Variants in SLC13A3 observed in about 807,000 individuals in gnomAD.
SLC13A3 encodes the protein solute carrier family 13 member 3, also known as Na(+)/dicarboxylate cotransporter 3.
SLC13A3 carries 40 observed loss-of-function variants against 59.0 expected under a neutral mutation model. The observed-to-expected ratio is 0.68, with a 90% CI of 0.53 to 0.88. The LOEUF (loss-of-function observed/expected upper bound fraction) is 0.88. Ranked by LOEUF, SLC13A3 falls within the 40% of genes least tolerant of loss-of-function variation. The probability of loss-of-function intolerance (pLI) is 0.00; values close to 1 mark genes in which losing one functional copy is unlikely to be tolerated. For missense variants in SLC13A3, 699 were observed against 783.2 expected (o/e 0.89, Z 1.28); for synonymous variants, 317 against 330.3 (o/e 0.96, Z 0.44).
intron 2 of SLC13A3, among the ~76,000 whole-genome samples, chr20:46,612,842 G>GCC (rs2062513235): frequency 1.3e-5 from 2 of 152,092 alleles, no homozygotes; most frequent in Admixed American, 6.5e-5. Context: ...CTTTAGGATT[G>GCC]TAACCCTGCC....
intron 6 of SLC13A3, 88 bp downstream of exon 6, chr20:46,592,316 C>T (rs909500690): frequency 4.1e-6 from 6 of 1,473,398 alleles, no homozygotes; most frequent in African/African-American, 1.4e-5. Flanking sequence ...AAATAACAAT[C>T]ATCCTCAGTT....
intron 6 of SLC13A3, among the ~76,000 whole-genome samples, chr20:46,591,643 G>C (rs1248445503): frequency 6.6e-6 from 1 of 152,140 alleles, no homozygotes; most frequent in Non-Finnish European, 1.5e-5. Flanking sequence ...TAAGTAGACT[G>C]AGTGATGAGA....
intron 5 of SLC13A3, among the ~76,000 whole-genome samples, chr20:46,594,593 T>G (rs1010919865): frequency 2.0e-5 from 3 of 152,202 alleles, no homozygotes; most frequent in African/African-American, 7.2e-5. Context: ...CAGGACCATC[T>G]TTGCTTCTGG....
rs1244890937 is a variant in SLC13A3, at chr20:46,588,076, G to A, written c.1104C>T (p.Ala368=). The change falls in exon 8 of 13, where the codon GCC becomes GCT. Residue 368 remains alanine (A), a synonymous_variant. Transcript: ENST00000279027. The part of the protein sequence containing the change: ...TRDPKFIPGW[A]SLFNPGFLSD... ...AGTCTCACCCAGGATTGAAGAGGCT[G>A]GCCCAGCCAGGGATGAACTTCGGGT... is the stretch of plus-strand genomic sequence containing the variant. 1.2e-6 allele frequency: 2 copies of A among 1,609,102 alleles called. No individual in the cohort carries two copies. Among genetic ancestry groups the A allele is most frequent in the East Asian group, 2.2e-5 (1 of 44,718 alleles).
At position 46,560,087 on chromosome 20, in the gene SLC13A3, T is replaced by G. The variant is rs374164996; in HGVS notation, c.1744A>C (p.Met582Leu). ...QLGTFPDWAD[M>L]YSVNVTALPP... is the part of the protein sequence containing the mutation. ...AATGCTGTGACATTGACCGAGTACA[T>G]ATCAGCCCAGTCCGGGAAGGTGCCC... Residue 582 changes from methionine to leucine, a missense_variant, in exon 13 of 13, where the codon ATG becomes CTG. Physicochemically the swap from Met to Leu is conservative, Grantham distance 15. Transcript: ENST00000279027. 1 of 1,613,994 alleles carries G rather than the reference T, an allele frequency of 6.2e-7. No individual in the cohort carries two copies. Among genetic ancestry groups the G allele is most frequent in the Non-Finnish European group, 8.5e-7 (1 of 1,180,046 alleles).
chr20:46,565,750 T>A (rs1405995863), intron 11 of SLC13A3, among the ~76,000 whole-genome samples: 1 of 152,156 alleles, frequency 6.6e-6, no homozygotes, highest in Non-Finnish European at 1.5e-5. Flanking sequence ...GCGCCACTTG[T>A]CTCTAGTGAG....
chr20:46,563,300 AT>A (rs1018471679), intron 12 of SLC13A3, 113 bp downstream of exon 12: 43 of 1,225,104 alleles, frequency 3.5e-5, no homozygotes, highest in Non-Finnish European at 4.7e-5. Context: ...AGAAAGATCT[AT>A]TCAGAGACTG....
chr20:46,679,264 TAAG>T (rs1421807029), intron 1 of SLC13A3, among the ~76,000 whole-genome samples: 1 of 152,066 alleles, frequency 6.6e-6, no homozygotes, highest in Non-Finnish European at 1.5e-5. Context: ...CCAAAAGGAA[TAAG>T]AAGGGTAGGC....
At chr20:46,569,877 G>A (rs2062014876) in intron 10 of SLC13A3, among the ~76,000 whole-genome samples, 1 of 152,140 alleles carries the variant, frequency 6.6e-6, no homozygotes, top group Non-Finnish European at 1.5e-5. Flanking sequence ...TACAGTAGAG[G>A]AGCATCTTAT....
At chr20:46,570,353 C>T (rs1377699435) in intron 10 of SLC13A3, among the ~76,000 whole-genome samples, 19 of 152,200 alleles carry the variant, frequency 1.2e-4, no homozygotes, top group Non-Finnish European at 1.0e-4. Context: ...ATACAGACTA[C>T]AGATGCTCCT....
intron 1 of SLC13A3, among the ~76,000 whole-genome samples, chr20:46,630,174 C>T (rs1372274772): frequency 6.6e-6 from 1 of 152,214 alleles, no homozygotes; most frequent in African/African-American, 2.4e-5. Context: ...GGTCACAGTT[C>T]TTTGGTGTCT....
intron 8 of SLC13A3, chr20:46,585,333 T>C: frequency 3.0e-6 from 3 of 1,000,546 alleles, no homozygotes; most frequent in Non-Finnish European, 3.6e-6. Context: ...ATAAAGTGGA[T>C]AAAGAGCCAC....
chr20:46,609,399 T>C (rs1280825321), intron 3 of SLC13A3, among the ~76,000 whole-genome samples: 2 of 152,222 alleles, frequency 1.3e-5, no homozygotes, highest in East Asian at 1.9e-4. Context: ...TTTCAGAGGA[T>C]TGAGGGAATC....
At chr20:46,620,981 C>A (rs2062608383) in intron 1 of SLC13A3, among the ~76,000 whole-genome samples, 1 of 152,174 alleles carries the variant, frequency 6.6e-6, no homozygotes, top group African/African-American at 2.4e-5. Context: ...AGACAAAGCA[C>A]AATCAAGGCA....
At chr20:46,678,841 G>A (rs755246253) in intron 1 of SLC13A3, among the ~76,000 whole-genome samples, 8 of 152,130 alleles carry the variant, frequency 5.3e-5, no homozygotes, top group Non-Finnish European at 7.4e-5. Context: ...GGATCATGGC[G>A]GCAGATCCCT....
intron 12 of SLC13A3, 110 bp from the exon 13 acceptor site, chr20:46,560,308 A>G: frequency 9.6e-7 from 1 of 1,039,338 alleles, no homozygotes; most frequent in South Asian, 1.4e-5. Flanking sequence ...CACAGCCAGG[A>G]AGTGATGGAG....
intron 1 of SLC13A3, among the ~76,000 whole-genome samples, chr20:46,663,863 G>C (rs1262228004): frequency 6.6e-6 from 1 of 152,108 alleles, no homozygotes; most frequent in Non-Finnish European, 1.5e-5. Context: ...TTAGATCTGG[G>C]CAATATGACT....
chr20:46,574,848 T>TG (rs1310640627), intron 10 of SLC13A3, among the ~76,000 whole-genome samples: 2 of 150,788 alleles, frequency 1.3e-5, no homozygotes, highest in Non-Finnish European at 3.0e-5. Context: ...TCTTTTTTTT[T>TG]TTTCTTAGAG....
chr20:46,569,737 G>C (rs2146087670), intron 10 of SLC13A3, among the ~76,000 whole-genome samples: 1 of 152,318 alleles, frequency 6.6e-6, no homozygotes, highest in East Asian at 1.9e-4. Flanking sequence ...TGGCCTTGAA[G>C]ATGACCAGAA....
Sources: allele counts gnomAD v4.1 joint callset (sites outside exome capture counted in the v4.1 genomes callset), GRCh38; gene constraint gnomAD v4.1.1; transcripts MANE v1.5; gene names NCBI Gene and HGNC (gene_info 2026-07-23, HGNC 2026-07-21).